The following AKAP6 variants were observed in gnomAD, a reference collection of about 807,000 sequenced individuals.
AKAP6 encodes A-kinase anchoring protein 6.
A neutral mutation model predicts 188.5 loss-of-function variants in AKAP6; 58 were observed. The observed-to-expected ratio is 0.31, with a 90% CI of 0.25 to 0.38. The LOEUF is 0.38. Ranked by LOEUF, AKAP6 falls within the 10% of genes least tolerant of loss-of-function variation. The pLI, the probability that AKAP6 is intolerant of heterozygous loss-of-function variation, is 1.00. For missense variants in AKAP6, 2,710 were observed against 2,740.0 expected (o/e 0.99, Z 0.24); for synonymous variants, 989 against 998.6 (o/e 0.99, Z 0.18).
At chr14:32,719,935 G>T (rs1379430635) in intron 9 of AKAP6, among the ~76,000 whole-genome samples, 3 of 152,002 alleles carry the variant, frequency 2.0e-5, no homozygotes, top group African/African-American at 7.2e-5. Context: ...AACAAACTTG[G>T]TGCCTCCTAA....
At chr14:32,429,075 C>T (rs1415401521) in intron 1 of AKAP6, among the ~76,000 whole-genome samples, 2 of 152,160 alleles carry the variant, frequency 1.3e-5, no homozygotes, top group Non-Finnish European at 2.9e-5. Context: ...TGAGAGGTCA[C>T]TGGGTTCCAA....
chr14:32,478,044 T>A (rs1178240934), intron 2 of AKAP6, among the ~76,000 whole-genome samples: 1 of 152,118 alleles, frequency 6.6e-6, no homozygotes, highest in Non-Finnish European at 1.5e-5. Flanking sequence ...ATGGCTGGGG[T>A]TGAGCCTCCC....
intron 11 of AKAP6, among the ~76,000 whole-genome samples, chr14:32,758,711 C>T (rs939555410): frequency 1.3e-5 from 2 of 152,006 alleles, no homozygotes; most frequent in Admixed American, 6.5e-5. Flanking sequence ...CCACCCTGGG[C>T]AACAAGAGTG....
chr14:32,563,963 C>A (rs549444865), intron 4 of AKAP6, among the ~76,000 whole-genome samples: 2 of 152,088 alleles, frequency 1.3e-5, no homozygotes, highest in African/African-American at 4.8e-5. Context: ...TACATACAGT[C>A]GTTCCTCAGT....
chr14:32,639,269 G>A (rs569431707), intron 7 of AKAP6, among the ~76,000 whole-genome samples: 3 of 152,200 alleles, frequency 2.0e-5, no homozygotes, highest in East Asian at 3.9e-4. Flanking sequence ...TCATTGATAT[G>A]TGCTTAAAGA....
chr14:32,786,306 T>TTTTTTTTTTTTTTTG (rs2033411550), intron 12 of AKAP6, among the ~76,000 whole-genome samples: 1 of 90,202 alleles, frequency 1.1e-5, no homozygotes, highest in Non-Finnish European at 2.4e-5. Flanking sequence ...ATCTTTTTTT[T>TTTTTTTTTTTTTTTG]TTTTTTTTTT....
chr14:32,572,984 G>A lies in AKAP6; in HGVS notation c.2347-4136G>A, dbSNP rs1227402868. ...AAACAAGGGTCTACAGACTCTCAAA[G>A]CCTGTATAAAATAGGAGCATGACAA... On this transcript the variant is annotated intron_variant, in intron 4 of 13. Transcript: ENST00000280979. Among the ~76,000 whole-genome samples the A allele has an allele frequency of 2.0e-5, 3 of 152,234 alleles. No individual in the cohort carries two copies. In the East Asian group the frequency reaches 5.8e-4, roughly 29 times the overall value.
chr14:32,586,969 G>C (rs1026721789), intron 5 of AKAP6, among the ~76,000 whole-genome samples: 1 of 152,168 alleles, frequency 6.6e-6, no homozygotes, highest in Non-Finnish European at 1.5e-5. Context: ...AACTGTCCTT[G>C]ATAGAGATTT....
chr14:32,726,552 T>G (rs903998726), intron 9 of AKAP6, among the ~76,000 whole-genome samples: 1 of 152,256 alleles, frequency 6.6e-6, no homozygotes, highest in Non-Finnish European at 1.5e-5. Context: ...GCAAACATCT[T>G]GAAGAGATCA....
In AKAP6 at chr14:32,546,167, T is replaced by C. The variant is rs759100876; in HGVS notation, c.1514T>C (p.Val505Ala). The part of the protein sequence containing the change: ...LKKPHKTSEE[V>A]PPCRTPKRGT... Reference sequence around the variant, plus strand: ...AAGCCACACAAGACCTCAGAAGAGGTGCCTCCATGCCGAACACCTAAACGG... The same window carrying C: ...AAGCCACACAAGACCTCAGAAGAGGCGCCTCCATGCCGAACACCTAAACGG... The change falls in exon 4 of 14, where the codon GTG becomes GCG. Residue 505 changes from valine (V) to alanine (A), a missense_variant. By Grantham distance (64) the Val-to-Ala change is moderately conservative. This residue lies in a region of AKAP6 where 2,473 missense variants were observed against 2,426.1 expected (regional missense o/e 1.02). Coordinates refer to ENST00000280979, the MANE Select transcript of AKAP6 (RefSeq NM_004274.5). The C allele has an allele frequency of 3.1e-6, 5 of 1,613,742 alleles. No individual in the cohort carries two copies. In the African/African-American group the frequency reaches 6.7e-5, roughly 22 times the overall value.
At chr14:32,544,820 A>G (rs943477422) in intron 3 of AKAP6, among the ~76,000 whole-genome samples, 1 of 152,196 alleles carries the variant, frequency 6.6e-6, no homozygotes, top group Non-Finnish European at 1.5e-5. Context: ...AGGTACTGGA[A>G]TGATAGCAAA....
At chr14:32,786,302 T>TTTTTTTTTTTG (rs2033409373) in intron 12 of AKAP6, among the ~76,000 whole-genome samples, 1 of 72,388 alleles carries the variant, frequency 1.4e-5, no homozygotes, top group African/African-American at 5.2e-5. Context: ...CTTTATCTTT[T>TTTTTTTTTTTG]TTTTTTTTTT....
chr14:32,463,370 T>C (rs1175095712), intron 2 of AKAP6, among the ~76,000 whole-genome samples: 1 of 152,070 alleles, frequency 6.6e-6, no homozygotes, highest in Non-Finnish European at 1.5e-5. Flanking sequence ...CCTCACCAAA[T>C]GCAAAATAAT....
At chr14:32,750,413 C>T (rs936350738) in intron 11 of AKAP6, among the ~76,000 whole-genome samples, 2 of 152,102 alleles carry the variant, frequency 1.3e-5, no homozygotes, top group African/African-American at 2.4e-5. Flanking sequence ...TTTCTTTTGA[C>T]ATTTGCATTA....
At chr14:32,517,131 A>G (rs1236364442) in intron 2 of AKAP6, among the ~76,000 whole-genome samples, 1 of 152,242 alleles carries the variant, frequency 6.6e-6, no homozygotes, top group East Asian at 1.9e-4. Context: ...TCTGAATATG[A>G]CAGAATCAAT....
intron 7 of AKAP6, among the ~76,000 whole-genome samples, chr14:32,607,886 T>C (rs1886187533): frequency 6.6e-6 from 1 of 152,226 alleles, no homozygotes; most frequent in South Asian, 2.1e-4. Context: ...TTTCTGCTAC[T>C]GTGGATTTTT....
intron 12 of AKAP6, among the ~76,000 whole-genome samples, chr14:32,798,734 G>A (rs1370294574): frequency 6.6e-6 from 1 of 152,034 alleles, no homozygotes; most frequent in Non-Finnish European, 1.5e-5. Flanking sequence ...AATGGAGGGT[G>A]GGAAGAGGGT....
chr14:32,770,811 G>A (rs1371777810), intron 11 of AKAP6, among the ~76,000 whole-genome samples: 6 of 152,184 alleles, frequency 3.9e-5, no homozygotes, highest in Admixed American at 6.5e-5. Flanking sequence ...AACTCCTTGA[G>A]GGTAAAAGGG....
chr14:32,712,480 A>G lies in AKAP6; in HGVS notation c.3000+16370A>G, dbSNP rs138507230. 9.9e-3 allele frequency among the ~76,000 whole-genome samples: 1,507 copies of G among 152,150 alleles called. 29 individuals are homozygous for G. Among genetic ancestry groups the G allele is most frequent in the African/African-American group, 0.034 (1,417 of 41,530 alleles). On this transcript the variant is annotated intron_variant, in intron 9 of 13. Coordinates refer to ENST00000280979, the MANE Select transcript of AKAP6 (RefSeq NM_004274.5). ...TCTCTGTACCATACAATGCCGTTTG[A>G]TAGCATTTTACCCACAGTAGAACTT... is the stretch of plus-strand genomic sequence containing the variant.
Sources: allele counts gnomAD v4.1 joint callset (sites outside exome capture counted in the v4.1 genomes callset), GRCh38; gene constraint gnomAD v4.1.1; regional missense constraint gnomAD v4.1.1; transcripts MANE v1.5; gene names NCBI Gene and HGNC (gene_info 2026-07-23, HGNC 2026-07-21).